Variants in LGR4 observed in about 807,000 individuals in gnomAD.
LGR4 encodes the protein leucine rich repeat containing G protein-coupled receptor 4, also known as leucine-rich repeat-containing G protein-coupled receptor 4.
Under a neutral mutation model 84.8 loss-of-function variants are expected in LGR4, and 44 were observed. The observed-to-expected ratio is 0.52, with a 90% CI of 0.41 to 0.67. The LOEUF (loss-of-function observed/expected upper bound fraction) is 0.67, where lower values mean the gene tolerates loss of function less well. Ranked by LOEUF, LGR4 falls within the 30% of genes least tolerant of loss-of-function variation. LGR4 has a pLI of 0.00. For synonymous variants in LGR4, 429 were observed against 434.3 expected (o/e 0.99, Z 0.15); for missense variants, 1,032 against 1,131.4 (o/e 0.91, Z 1.26).
intron 1 of LGR4, among the ~76,000 whole-genome samples, chr11:27,437,198 A>G (rs1317819822): frequency 6.6e-6 from 1 of 152,194 alleles, no homozygotes; most frequent in Admixed American, 6.5e-5. Context: ...CATGTAAGTT[A>G]GTCCAAATAT....
intron 1 of LGR4, among the ~76,000 whole-genome samples, chr11:27,449,404 G>A (rs111298176): frequency 0.011 from 1,629 of 152,144 alleles, 22 homozygotes; most frequent in African/African-American, 0.037. Flanking sequence ...GCAACACAGC[G>A]AGACACTGTC....
At chr11:27,382,120 C>A in intron 7 of LGR4, 68 bp downstream of exon 7, 1 of 1,004,850 alleles carries the variant, frequency 1.0e-6, no homozygotes, top group South Asian at 1.4e-5. Context: ...TCTAAAATCC[C>A]ATTGTTGGAA....
At chr11:27,384,134 A>T in intron 6 of LGR4, 1 of 488,926 alleles carries the variant, frequency 2.0e-6, no homozygotes, top group Non-Finnish European at 3.6e-6. Context: ...AAAATATGCA[A>T]TTCACACTTT....
At chr11:27,456,002 A>G (rs1389865187) in intron 1 of LGR4, among the ~76,000 whole-genome samples, 2 of 152,240 alleles carry the variant, frequency 1.3e-5, no homozygotes, top group Non-Finnish European at 1.5e-5. Context: ...ATCTAAGTTA[A>G]TAACAAGAGG....
At chr11:27,425,667 C>A (rs1228300594) in intron 1 of LGR4, among the ~76,000 whole-genome samples, 1 of 152,052 alleles carries the variant, frequency 6.6e-6, no homozygotes, top group Non-Finnish European at 1.5e-5. Flanking sequence ...TCAAAGGTAT[C>A]CTACTATGGA....
Position 27,420,333 on chromosome 11 carries a change from T to C in LGR4, c.186-7473A>G, listed in dbSNP as rs138831770. On this transcript the variant is annotated intron_variant, in intron 1 of 17. Transcript: ENST00000379214. The stretch of plus-strand genomic sequence containing the variant: ...GGGTCCAGTTTCTTCATTATCTCTT[T>C]ACTGAGCACCTATTAGGTCTGTGCC... 3.9e-3 allele frequency among the ~76,000 whole-genome samples: 596 copies of C among 152,272 alleles called. 2 individuals carry two copies. Among genetic ancestry groups the C allele is most frequent in the South Asian group, 0.012 (57 of 4,830 alleles).
intron 1 of LGR4, among the ~76,000 whole-genome samples, chr11:27,460,769 T>G (rs1277054202): frequency 6.6e-6 from 1 of 152,192 alleles, no homozygotes; most frequent in East Asian, 1.9e-4. Flanking sequence ...CCATATGTTT[T>G]CTTTGTCAGT....
intron 2 of LGR4, among the ~76,000 whole-genome samples, chr11:27,398,686 T>G (rs1863437449): frequency 6.6e-6 from 1 of 152,138 alleles, no homozygotes; most frequent in Non-Finnish European, 1.5e-5. Context: ...TTTCCCCTTA[T>G]GGAGAGGTTG....
intron 1 of LGR4, among the ~76,000 whole-genome samples, chr11:27,469,174 G>A (rs1864828398): frequency 6.6e-6 from 1 of 152,178 alleles, no homozygotes; most frequent in South Asian, 2.1e-4. Context: ...AGCAAATGGT[G>A]TGAATACAGG....
chr11:27,454,145 C>T (rs1864531613), intron 1 of LGR4, among the ~76,000 whole-genome samples: 1 of 152,206 alleles, frequency 6.6e-6, no homozygotes, highest in Non-Finnish European at 1.5e-5. Context: ...TAAACTCTTT[C>T]AGCCAATTGC....
At chr11:27,470,986 AG>A (rs1237845897) in intron 1 of LGR4, among the ~76,000 whole-genome samples, 1 of 152,154 alleles carries the variant, frequency 6.6e-6, no homozygotes, top group Non-Finnish European at 1.5e-5. Flanking sequence ...TACAGGTAAA[AG>A]GAAATTCCCT....
At chr11:27,420,398 G>A (rs1296470314) in intron 1 of LGR4, among the ~76,000 whole-genome samples, 1 of 152,090 alleles carries the variant, frequency 6.6e-6, no homozygotes, top group Non-Finnish European at 1.5e-5. Flanking sequence ...CTACCCTCAA[G>A]AGCTGTCTGA....
At chr11:27,456,946 AT>A (rs1044015828) in intron 1 of LGR4, among the ~76,000 whole-genome samples, 42 of 151,082 alleles carry the variant, frequency 2.8e-4, no homozygotes, top group African/African-American at 8.5e-4. Flanking sequence ...TTCTGTTCTG[AT>A]TTTTTTTTCC....
intron 1 of LGR4, chr11:27,471,720 G>A (rs1427052181): frequency 1.3e-5 from 2 of 157,788 alleles, no homozygotes; most frequent in Admixed American, 6.5e-5. Flanking sequence ...CGCCAGTAGC[G>A]GAACTCCTGC....
At chr11:27,415,743 G>C (rs1322266448) in intron 1 of LGR4, among the ~76,000 whole-genome samples, 1 of 152,126 alleles carries the variant, frequency 6.6e-6, no homozygotes, top group Non-Finnish European at 1.5e-5. Flanking sequence ...TGTGGGGGCA[G>C]TGGTGAGCTA....
At chr11:27,396,190 A>G (rs1280870005) in intron 2 of LGR4, among the ~76,000 whole-genome samples, 1 of 152,136 alleles carries the variant, frequency 6.6e-6, no homozygotes. Context: ...ATCCACTTCT[A>G]CCTGTATTGT....
At chr11:27,395,337 C>T (rs565179913) in intron 2 of LGR4, among the ~76,000 whole-genome samples, 1 of 151,738 alleles carries the variant, frequency 6.6e-6, no homozygotes, top group Non-Finnish European at 1.5e-5. Context: ...TGAGTTCAGC[C>T]TATTGTGCTG....
At position 27,412,866 on chromosome 11, in the gene LGR4, A is replaced by G. The variant is rs1863737622; in HGVS notation, c.186-6T>C. The G allele has an allele frequency of 2.5e-6, 4 of 1,581,200 alleles. No individual in the cohort carries two copies. The highest frequency in any genetic ancestry group is 3.5e-6 in the Non-Finnish European group (4 of 1,151,018). On this transcript the variant is annotated splice_polypyrimidine_tract_variant and splice_region_variant and intron_variant, in intron 1 of 17. Coordinates refer to ENST00000379214, the MANE Select transcript of LGR4 (RefSeq NM_018490.5). ...TGTTGTTCATACTGATATCCCTGGAAAACGTAAAGTTAAGAATATTGTTAA... is the reference window on the plus strand; with the variant it reads ...TGTTGTTCATACTGATATCCCTGGAGAACGTAAAGTTAAGAATATTGTTAA...
Position 27,391,212 on chromosome 11 carries a change from T to G in LGR4, c.330-47A>C, listed in dbSNP as rs1254364136. On this transcript the variant is annotated intron_variant, in intron 3 of 17. Coordinates refer to ENST00000379214, the MANE Select transcript of LGR4 (RefSeq NM_018490.5). ...GTGAGTAACAAGTGATAGTTACCATTTTTTCTTAGAAAAATTCAGAGCCTT... is the reference window on the plus strand; with the variant it reads ...GTGAGTAACAAGTGATAGTTACCATGTTTTCTTAGAAAAATTCAGAGCCTT... The G allele has an allele frequency of 4.2e-6, 4 of 948,824 alleles. No individual in the cohort carries two copies. The African/African-American group carries it at 6.9e-5, about 16-fold the overall frequency. 58.8% of individuals were successfully genotyped at this position (948,824 alleles called of 1,614,324 possible). A position where few individuals can be genotyped will look rare whatever the true frequency, so the allele number is the denominator to read the frequency against.
Sources: gnomAD v4.1 joint callset for allele counts (sites outside exome capture counted in the v4.1 genomes callset) on GRCh38, gnomAD v4.1.1 for gene constraint, MANE v1.5 for transcripts, NCBI Gene and HGNC (gene_info 2026-07-23, HGNC 2026-07-21) for gene names.